Variants in GRIK5 observed in about 807,000 individuals in gnomAD.
The protein encoded by GRIK5 is glutamate receptor ionotropic, kainate 5.
In GRIK5, 43 loss-of-function variants were observed where a neutral mutation model predicts 97.4. The ratio of observed to expected loss-of-function variants is 0.44; its 90% CI spans 0.35 to 0.57. GRIK5 has a LOEUF of 0.57. Ranked by LOEUF, GRIK5 falls within the 20% of genes least tolerant of loss-of-function variation. The pLI is 0.01. For synonymous variants in GRIK5, 580 were observed against 583.5 expected (o/e 0.99, Z 0.09); for missense variants, 1,015 against 1,382.0 (o/e 0.73, Z 4.21).
At chr19:42,015,209 G>A (rs1010289305) in intron 15 of GRIK5, among the ~76,000 whole-genome samples, 3 of 152,160 alleles carry the variant, frequency 2.0e-5, no homozygotes, top group Non-Finnish European at 4.4e-5. Flanking sequence ...GCAATTACAG[G>A]GTGAGATTTC....
At chr19:42,031,631 A>G (rs1048950645) in intron 12 of GRIK5, among the ~76,000 whole-genome samples, 1 of 152,234 alleles carries the variant, frequency 6.6e-6, no homozygotes, top group Non-Finnish European at 1.5e-5. Flanking sequence ...TGAAAATGAC[A>G]GGGAGTTGTC....
chr19:42,025,205 T>C (rs1456500176), intron 12 of GRIK5, among the ~76,000 whole-genome samples: 1 of 152,086 alleles, frequency 6.6e-6, no homozygotes, highest in Admixed American at 6.6e-5. Flanking sequence ...TCCCAGGGTT[T>C]TCCCCAGAGT....
Position 42,053,928 on chromosome 19 carries a change from A to C in GRIK5, c.1058T>G (p.Val353Gly), listed in dbSNP as rs1471549010. ...CCGCCCGGTCAGCCCATCATACTCT[A>C]CCTGGCAGGGTGGGGAGGTGGGGCA... ...GTSLMNYLRM[V>G]EYDGLTGRVE... Residue 353 changes from valine (V) to glycine (G), a missense_variant and splice_region_variant, in exon 10 of 20, where the codon GTA becomes GGA. Physicochemically the swap from Val to Gly is moderately radical, Grantham distance 109. Coordinates refer to ENST00000593562, the MANE Select transcript of GRIK5 (RefSeq NM_002088.5). 1 of 1,608,052 alleles carries C rather than the reference A, an allele frequency of 6.2e-7. No individual in the cohort carries two copies. Among genetic ancestry groups the C allele is most frequent in the South Asian group, 1.1e-5 (1 of 90,920 alleles).
rs528846746 is a variant in GRIK5, at chr19:42,061,333, C to T, written c.508+1155G>A. Among the ~76,000 whole-genome samples, 235 of 152,310 alleles carry T rather than the reference C, an allele frequency of 1.5e-3. 1 individual carries two copies. The highest frequency in any genetic ancestry group is 2.6e-3 in the Non-Finnish European group (175 of 68,028). The stretch of plus-strand genomic sequence containing the variant: ...TGCTGGGATTACAGGCGTGAGCCAT[C>T]GCGCCCGGCCATAAATACCTTTTTT... On this transcript the variant is annotated intron_variant, in intron 5 of 19. Transcript: ENST00000593562.
At position 42,022,587 on chromosome 19, in the gene GRIK5, C is replaced by T. The variant is rs1342065004; in HGVS notation, c.1474-233G>A. ...CTCACGTCTCCAGACACACTGACTC[C>T]GTCCCCTAGGCCTCAACTGTGTCCC... On this transcript the variant is annotated intron_variant, in intron 12 of 19. Transcript: ENST00000593562. The surrounding 1 kb of genome is among the most constrained non-coding windows in gnomAD (Gnocchi z 4.2). 2.0e-6 allele frequency: 2 copies of T among 985,138 alleles called. No individual in the cohort carries two copies. Among genetic ancestry groups the T allele is most frequent in the Non-Finnish European group, 2.4e-6 (2 of 829,840 alleles). 61.0% of individuals were successfully genotyped at this position (985,138 alleles called of 1,614,324 possible). A position where few individuals can be genotyped will look rare whatever the true frequency, so the allele number is the denominator to read the frequency against.
rs192332156 is a variant in GRIK5, at chr19:41,999,485, C to A, written c.2515-186G>T. ...TTTTCTGCCTCCCCTCTCCACCTCT[C>A]CCCACTTATCTTCAATGTCTCCATT... On this transcript the variant is annotated intron_variant, in intron 19 of 19. Coordinates refer to ENST00000593562, the MANE Select transcript of GRIK5 (RefSeq NM_002088.5). The surrounding 1 kb of genome is among the most constrained non-coding windows in gnomAD (Gnocchi z 5.0). 1.3e-5 allele frequency among the ~76,000 whole-genome samples: 2 copies of A among 152,286 alleles called. No individual in the cohort carries two copies. Among genetic ancestry groups the A allele is most frequent in the Admixed American group, 6.5e-5 (1 of 15,296 alleles).
chr19:42,041,279 C>T (rs1227393880), intron 12 of GRIK5, among the ~76,000 whole-genome samples: 1 of 152,166 alleles, frequency 6.6e-6, no homozygotes, highest in Non-Finnish European at 1.5e-5. Flanking sequence ...CTGCCCTGGC[C>T]ATCTCTGGCC....
chr19:42,042,678 G>A lies in GRIK5; in HGVS notation c.1347C>T (p.Asp449=), dbSNP rs769020011. Residue 449 remains aspartate (D), a synonymous_variant, in exon 12 of 20, where the codon GAC becomes GAT. Transcript: ENST00000593562. The surrounding 1 kb of genome is among the most constrained non-coding windows in gnomAD (Gnocchi z 6.9). ...GCAGCTCGGCCAGCTCCCGCAGCAT[G>A]TCCACGCAGAAGCCCTCGAAGCGTT... ...GNERFEGFCV[D]MLRELAELLR... 6.2e-7 allele frequency: 1 copy of A among 1,613,648 alleles called. No individual in the cohort carries two copies. The highest frequency in any genetic ancestry group is 2.2e-5 in the East Asian group (1 of 44,880).
chr19:42,060,989 C>T (rs1236714509), intron 5 of GRIK5, among the ~76,000 whole-genome samples: 4 of 152,186 alleles, frequency 2.6e-5, no homozygotes, highest in African/African-American at 7.2e-5. Flanking sequence ...CACGGCTGAC[C>T]CCAATACCAA....
At chr19:42,033,960 AC>A (rs1184588232) in intron 12 of GRIK5, among the ~76,000 whole-genome samples, 2 of 152,222 alleles carry the variant, frequency 1.3e-5, no homozygotes, top group Non-Finnish European at 2.9e-5. Context: ...TGGTCGTGCC[AC>A]TGCACTCCAG....
Position 42,022,475 on chromosome 19 carries a change from A to T in GRIK5, c.1474-121T>A. 2.1e-6 allele frequency: 3 copies of T among 1,412,280 alleles called. No homozygotes were observed. The highest frequency in any genetic ancestry group is 1.9e-6 in the Non-Finnish European group (2 of 1,067,398). The allele number at this position is 1,412,280 out of a possible 1,614,324, so 87.5% of individuals were successfully genotyped here. A position where few individuals can be genotyped will look rare whatever the true frequency, so the allele number is the denominator to read the frequency against. ...GGAGGCGAGAGAGAGAGAGGTAGGG[A>T]GGGGGAGGGGCCAGGAGCATGGACT... On this transcript the variant is annotated intron_variant, in intron 12 of 19. Coordinates refer to ENST00000593562, the MANE Select transcript of GRIK5 (RefSeq NM_002088.5). This position sits in a 1 kb window ranked among gnomAD's most constrained non-coding sequence, Gnocchi z 4.2.
chr19:42,027,594 C>T (rs747576276), intron 12 of GRIK5, among the ~76,000 whole-genome samples: 10 of 152,172 alleles, frequency 6.6e-5, no homozygotes, highest in Non-Finnish European at 2.9e-5. Flanking sequence ...TATCAGACCA[C>T]AGGCACAAGA....
chr19:42,053,312 G>C (rs2076140014), intron 11 of GRIK5, among the ~76,000 whole-genome samples: 1 of 152,208 alleles, frequency 6.6e-6, no homozygotes, highest in Non-Finnish European at 1.5e-5. Context: ...GTTGGCAAGG[G>C]TGGCAAAACA....
At chr19:42,046,931 A>C (rs999851352) in intron 11 of GRIK5, among the ~76,000 whole-genome samples, 1 of 152,108 alleles carries the variant, frequency 6.6e-6, no homozygotes, top group African/African-American at 2.4e-5. Flanking sequence ...TCTGTCACCC[A>C]GGCTGGAGTG....
intron 11 of GRIK5, among the ~76,000 whole-genome samples, chr19:42,047,988 A>AG (rs1055301145): frequency 3.3e-5 from 5 of 151,506 alleles, no homozygotes; most frequent in South Asian, 2.1e-4. Flanking sequence ...AAAAAAAAAA[A>AG]AAAAGAAAAA....
chr19:42,023,416 C>T (rs1011710966), intron 12 of GRIK5, among the ~76,000 whole-genome samples: 4 of 152,136 alleles, frequency 2.6e-5, no homozygotes, highest in Non-Finnish European at 4.4e-5. Flanking sequence ...ATGACTAATA[C>T]GTGAATTGTC....
At chr19:42,052,204 G>T (rs950630236) in intron 11 of GRIK5, among the ~76,000 whole-genome samples, 1 of 152,150 alleles carries the variant, frequency 6.6e-6, no homozygotes, top group African/African-American at 2.4e-5. Context: ...GGAGAAGCAG[G>T]GAGGAGAGTG....
chr19:42,039,945 G>A (rs541632808), intron 12 of GRIK5, among the ~76,000 whole-genome samples: 5 of 151,530 alleles, frequency 3.3e-5, no homozygotes, highest in Middle Eastern at 3.4e-3. Flanking sequence ...GCACTACTGC[G>A]CTCCAGCCTG....
intron 11 of GRIK5, among the ~76,000 whole-genome samples, chr19:42,052,795 A>T (rs995582357): frequency 2.0e-5 from 3 of 152,164 alleles, no homozygotes; most frequent in Admixed American, 2.0e-4. Context: ...CTCCTAAGGC[A>T]CTGGAAGCCC....
Sources: gnomAD v4.1 joint callset for allele counts (sites outside exome capture counted in the v4.1 genomes callset) on GRCh38, gnomAD v4.1.1 for gene constraint, Gnocchi (gnomAD v3.1) non-coding constraint, MANE v1.5 for transcripts, NCBI Gene and HGNC (gene_info 2026-07-23, HGNC 2026-07-21) for gene names.